Variants in GABRA2 observed in about 807,000 individuals in gnomAD.
The protein encoded by GABRA2 is gamma-aminobutyric acid receptor subunit alpha-2.
Under a neutral mutation model 48.7 loss-of-function variants are expected in GABRA2, and 16 were observed. That is an observed-to-expected ratio of 0.33 (90% CI 0.22 to 0.50). GABRA2 has a LOEUF of 0.50. Ranked by LOEUF, GABRA2 falls within the 20% of genes least tolerant of loss-of-function variation. GABRA2 has a pLI of 0.98. For synonymous variants in GABRA2, 185 were observed against 184.5 expected, an observed-to-expected ratio of 1.00 and a Z score of -0.02; for missense variants, 275 against 535.6, an observed-to-expected ratio of 0.51 and a Z score of 4.80.
In GABRA2 at chr4:46,243,847, A is replaced by G. The variant is rs1278088197; in HGVS notation, c.*6461T>C. 6.6e-6 allele frequency: 1 copy of G among 151,582 alleles called. No homozygotes were observed. 9.4% of individuals were successfully genotyped at this position (151,582 alleles called of 1,614,324 possible). On this transcript the variant is annotated 3_prime_UTR_variant, in exon 10 of 10. Coordinates refer to ENST00000381620, the MANE Select transcript of GABRA2 (RefSeq NM_000807.4). ...TCACATTCTCTCTGCATGTGATCGT[A>G]TTATTAATTTGTAGCAAAGGAAAAA...
chr4:46,277,042 T>A (rs960248323), intron 8 of GABRA2, among the ~76,000 whole-genome samples: 6 of 152,098 alleles, frequency 3.9e-5, no homozygotes, highest in African/African-American at 1.4e-4. Context: ...ATACTTTTAA[T>A]TCCCCCCTAT....
chr4:46,337,650 C>CAAAAAAAAA (rs71652880), intron 3 of GABRA2, among the ~76,000 whole-genome samples: 2 of 107,700 alleles, frequency 1.9e-5, no homozygotes, highest in East Asian at 2.6e-4. Context: ...TTGTTAAGAC[C>CAAAAAAAAA]AAAAAAAAAA....
At chr4:46,284,213 A>G (rs1477012730) in intron 8 of GABRA2, among the ~76,000 whole-genome samples, 1 of 152,160 alleles carries the variant, frequency 6.6e-6, no homozygotes, top group African/African-American at 2.4e-5. Flanking sequence ...TATTCATCAC[A>G]ATTATGTTTT....
At chr4:46,363,485 G>C (rs909348597) in intron 3 of GABRA2, among the ~76,000 whole-genome samples, 1 of 152,010 alleles carries the variant, frequency 6.6e-6, no homozygotes, top group Non-Finnish European at 1.5e-5. Flanking sequence ...AGAAGAAAGA[G>C]ACAGCAACAT....
intron 3 of GABRA2, among the ~76,000 whole-genome samples, chr4:46,372,557 T>G (rs1560595465): frequency 6.6e-6 from 1 of 152,156 alleles, no homozygotes; most frequent in African/African-American, 2.4e-5. Context: ...GCCACCTATC[T>G]GTAAAATTCT....
rs557823937 is a variant in GABRA2, at chr4:46,314,443, A to AT, written c.256-1728dup. Among the ~76,000 whole-genome samples, 504 of 152,132 alleles carry AT rather than the reference A, an allele frequency of 3.3e-3. 4 individuals are homozygous for AT. Among genetic ancestry groups the AT allele is most frequent in the Non-Finnish European group, 4.9e-3 (335 of 67,972 alleles). On this transcript the variant is annotated intron_variant, in intron 4 of 9. Transcript: ENST00000381620. ...ATTTACAAACAGGAAGTTGCAAGTG[A>AT]TTTTTTGTACATTTTAATGATGTAT... is the stretch of plus-strand genomic sequence containing the variant.
intron 3 of GABRA2, among the ~76,000 whole-genome samples, chr4:46,343,500 G>A (rs1451921370): frequency 6.6e-6 from 1 of 151,840 alleles, no homozygotes; most frequent in African/African-American, 2.4e-5. Context: ...AACCAGCATA[G>A]GGGAAACTGC....
chr4:46,307,721 G>A (rs1181052913), intron 6 of GABRA2, among the ~76,000 whole-genome samples: 1 of 152,062 alleles, frequency 6.6e-6, no homozygotes, highest in Non-Finnish European at 1.5e-5. Flanking sequence ...TGGAAATCTA[G>A]AGAAAAGCTC....
intron 3 of GABRA2, among the ~76,000 whole-genome samples, chr4:46,375,502 A>G (rs1715560925): frequency 6.6e-6 from 1 of 152,142 alleles, no homozygotes; most frequent in African/African-American, 2.4e-5. Context: ...GGAAGTTTCT[A>G]TTGGAATTAA....
chr4:46,266,717 T>C (rs1351190834), intron 8 of GABRA2, among the ~76,000 whole-genome samples: 1 of 115,834 alleles, frequency 8.6e-6, no homozygotes, highest in African/African-American at 3.5e-5. Context: ...TCAAATATTC[T>C]CTTTTTTTTT....
At chr4:46,282,806 T>G (rs1290306473) in intron 8 of GABRA2, among the ~76,000 whole-genome samples, 1 of 152,250 alleles carries the variant, frequency 6.6e-6, no homozygotes, top group Non-Finnish European at 1.5e-5. Context: ...TAGCGTTTAC[T>G]ATTTGCCCAG....
intron 9 of GABRA2, among the ~76,000 whole-genome samples, chr4:46,259,925 T>C (rs1006234860): frequency 1.3e-4 from 20 of 151,876 alleles, no homozygotes; most frequent in Non-Finnish European, 2.7e-4. Context: ...CTTTTAGTTT[T>C]AAGGACATTT....
intron 3 of GABRA2, among the ~76,000 whole-genome samples, chr4:46,379,910 C>G (rs1716526983): frequency 6.6e-6 from 1 of 152,136 alleles, no homozygotes; most frequent in Admixed American, 6.5e-5. Flanking sequence ...CCCCTCGCCT[C>G]CACAGTTTTA....
In GABRA2 at chr4:46,388,655, A is replaced by G; in HGVS notation, c.52T>C (p.Leu18=). 6.2e-7 allele frequency: 1 copy of G among 1,614,210 alleles called. No individual in the cohort carries two copies. Among genetic ancestry groups the G allele is most frequent in the Non-Finnish European group, 8.5e-7 (1 of 1,180,036 alleles). Residue 18 remains leucine (L), a synonymous_variant, in exon 2 of 10, where the codon TTG becomes CTG. Coordinates refer to ENST00000381620, the MANE Select transcript of GABRA2 (RefSeq NM_000807.4). ...YNMQFLLFVF[L]VWDPARLVLA... Reference sequence around the variant, plus strand: ...TCTCACCTGGCAGGGTCCCACACCAAGAAAACAAAAAGCAGGAACTGCATG... The same window carrying G: ...TCTCACCTGGCAGGGTCCCACACCAGGAAAACAAAAAGCAGGAACTGCATG...
rs1713414602 is a variant in GABRA2, at chr4:46,244,843, C to T, written c.*5465G>A. On this transcript the variant is annotated 3_prime_UTR_variant, in exon 10 of 10. Transcript: ENST00000381620. The stretch of plus-strand genomic sequence containing the variant: ...AGAAGTTAGTAAATAGCTAGCATCA[C>T]AAAAACGGGTATTGCTTACTGTACA... 6.6e-6 allele frequency among the ~76,000 whole-genome samples: 1 copy of T among 151,422 alleles called. No homozygotes were observed. Among genetic ancestry groups the T allele is most frequent in the South Asian group, 2.1e-4 (1 of 4,816 alleles).
rs78855428 is a variant in GABRA2 at position 46,320,046 on chromosome 4, C to T, written c.256-7330G>A. ...ACCATGGTCTTTTCATTATACCATA[C>T]ATAAAACAACCCTTGAAGGCAGAAT... On this transcript the variant is annotated intron_variant, in intron 4 of 9. Transcript: ENST00000381620. Among the ~76,000 whole-genome samples the T allele has an allele frequency of 3.3e-3, 497 of 151,822 alleles. 1 individual carries two copies. The highest frequency in any genetic ancestry group is 0.011 in the African/African-American group (446 of 41,496).
intron 3 of GABRA2, among the ~76,000 whole-genome samples, chr4:46,346,402 T>C (rs1171205493): frequency 6.6e-6 from 1 of 151,572 alleles, no homozygotes; most frequent in Non-Finnish European, 1.5e-5. Context: ...GAGTTAAGAA[T>C]AATAAAAAAA....
chr4:46,384,769 A>G (rs1342855171), intron 3 of GABRA2, among the ~76,000 whole-genome samples: 4 of 152,150 alleles, frequency 2.6e-5, no homozygotes, highest in African/African-American at 9.6e-5. Flanking sequence ...CACATATGTT[A>G]ACCTGGATAG....
intron 4 of GABRA2, among the ~76,000 whole-genome samples, chr4:46,331,371 A>T (rs1731326395): frequency 6.6e-6 from 1 of 152,176 alleles, no homozygotes; most frequent in Non-Finnish European, 1.5e-5. Context: ...CTGATGGAAT[A>T]AACAGCATAT....
Sources: gnomAD v4.1 joint callset for allele counts (sites outside exome capture counted in the v4.1 genomes callset) on GRCh38, gnomAD v4.1.1 for gene constraint, MANE v1.5 for transcripts, NCBI Gene and HGNC (gene_info 2026-07-23, HGNC 2026-07-21) for gene names.